The following RGS3 variants were observed in gnomAD, a reference collection of about 807,000 sequenced individuals.
RGS3 encodes regulator of G-protein signalling 3.
In RGS3, 80 loss-of-function variants were observed where a neutral mutation model predicts 132.6. The ratio of observed to expected loss-of-function variants is 0.60; its 90% CI spans 0.50 to 0.73. RGS3 has a LOEUF of 0.73. Ranked by LOEUF, RGS3 falls within the 30% of genes least tolerant of loss-of-function variation. The pLI is 0.00. For missense variants in RGS3, 1,382 were observed against 1,530.8 expected (o/e 0.90, Z 1.62); for synonymous variants, 598 against 620.6 (o/e 0.96, Z 0.54).
At chr9:113,503,566 G>A (rs778456878) in intron 10 of RGS3, among the ~76,000 whole-genome samples, 13 of 152,208 alleles carry the variant, frequency 8.5e-5, no homozygotes, top group African/African-American at 1.9e-4. Flanking sequence ...CTGGGTGTGG[G>A]AGGAGGAGGC....
At chr9:113,519,609 T>G (rs1158024942) in intron 16 of RGS3, among the ~76,000 whole-genome samples, 2 of 152,158 alleles carry the variant, frequency 1.3e-5, no homozygotes, top group African/African-American at 2.4e-5. Context: ...AATTGCTTCC[T>G]TGTAACTTTC....
At chr9:113,495,163 C>T (rs1231828591) in intron 7 of RGS3, among the ~76,000 whole-genome samples, 2 of 152,216 alleles carry the variant, frequency 1.3e-5, no homozygotes, top group Non-Finnish European at 2.9e-5. Context: ...GCGTGAGCCA[C>T]CGTGCCCAGC....
chr9:113,518,619 C>T (rs1430148551), intron 16 of RGS3, among the ~76,000 whole-genome samples: 1 of 152,128 alleles, frequency 6.6e-6, no homozygotes, highest in Non-Finnish European at 1.5e-5. Flanking sequence ...CTCATCTATT[C>T]CAAATGTACA....
chr9:113,451,371 G>T (rs1829241561), intron 1 of RGS3, among the ~76,000 whole-genome samples: 1 of 152,058 alleles, frequency 6.6e-6, no homozygotes, highest in African/African-American at 2.4e-5. Flanking sequence ...CTTTGCCCCT[G>T]TTTCTTTACA....
At chr9:113,551,084 A>G (rs1378883718) in intron 19 of RGS3, among the ~76,000 whole-genome samples, 3 of 152,216 alleles carry the variant, frequency 2.0e-5, no homozygotes, top group African/African-American at 7.2e-5. Flanking sequence ...TATTTTCATT[A>G]TCTCAAAAAG....
At chr9:113,516,728 G>T (rs773825684) in intron 15 of RGS3, among the ~76,000 whole-genome samples, 4 of 151,964 alleles carry the variant, frequency 2.6e-5, no homozygotes, top group Non-Finnish European at 5.9e-5. Context: ...ACAGTCTCTC[G>T]CTGTGTCCCC....
intron 3 of RGS3, among the ~76,000 whole-genome samples, chr9:113,471,995 G>T (rs1829850580): frequency 6.6e-6 from 1 of 152,022 alleles, no homozygotes; most frequent in Admixed American, 6.6e-5. Flanking sequence ...TTTTTCCAAA[G>T]AAAAATGGCT....
chr9:113,595,600 C>T (rs199654322), exon 24 of RGS3: 29 of 1,613,546 alleles, frequency 1.8e-5, no homozygotes, highest in Middle Eastern at 1.7e-4. Flanking sequence ...TCCTCACAGA[C>T]GGGTTAGCAG....
At chr9:113,528,272 C>T (rs1049677960) in intron 17 of RGS3, among the ~76,000 whole-genome samples, 1 of 152,194 alleles carries the variant, frequency 6.6e-6, no homozygotes, top group African/African-American at 2.4e-5. Context: ...GAGTAACCAT[C>T]CCAGGACCGT....
chr9:113,498,099 G>C lies in RGS3; in HGVS notation c.897+19G>C. The C allele has an allele frequency of 6.2e-7, 1 of 1,612,426 alleles. No individual in the cohort carries two copies. Among genetic ancestry groups the C allele is most frequent in the Non-Finnish European group, 8.5e-7 (1 of 1,178,536 alleles). On this transcript the variant is annotated intron_variant, in intron 10 of 24. Transcript: ENST00000350696. ...ACTAAAGGTAGGTGGGGACAAGCTA[G>C]GGCATTGCTCCAGGAGCTGGATCTG...
At chr9:113,585,486 G>C (rs749446582) in intron 20 of RGS3, among the ~76,000 whole-genome samples, 2 of 152,236 alleles carry the variant, frequency 1.3e-5, no homozygotes, top group Non-Finnish European at 2.9e-5. Flanking sequence ...GGCTAGGTGA[G>C]TAGGGGTGCT....
chr9:113,475,948 T>C (rs1390137782), intron 3 of RGS3, among the ~76,000 whole-genome samples: 1 of 151,946 alleles, frequency 6.6e-6, no homozygotes, highest in Non-Finnish European at 1.5e-5. Context: ...TTTTTTCCTT[T>C]GAGACAGGTC....
intron 14 of RGS3, among the ~76,000 whole-genome samples, chr9:113,513,777 T>C (rs1216524336): frequency 6.6e-6 from 1 of 152,196 alleles, no homozygotes; most frequent in African/African-American, 2.4e-5. Context: ...GGGCAGCAAG[T>C]GCCACTCCTT....
intron 1 of RGS3, among the ~76,000 whole-genome samples, chr9:113,449,503 C>T (rs1403312752): frequency 6.6e-6 from 1 of 152,122 alleles, no homozygotes; most frequent in Non-Finnish European, 1.5e-5. Flanking sequence ...GAGGGAGTGA[C>T]AAAGAAGATG....
At chr9:113,447,523 C>T (rs1425455082) in intron 1 of RGS3, among the ~76,000 whole-genome samples, 2 of 150,618 alleles carry the variant, frequency 1.3e-5, no homozygotes, top group African/African-American at 4.9e-5. Flanking sequence ...CTTGGGATGG[C>T]TTTGCCTTAG....
At chr9:113,578,393 T>C (rs1834633906) in intron 19 of RGS3, among the ~76,000 whole-genome samples, 2 of 152,222 alleles carry the variant, frequency 1.3e-5, no homozygotes, top group Admixed American at 1.3e-4. Context: ...CTAAGGAAAC[T>C]GAGGCACAGA....
chr9:113,445,174 A>G (rs1208195155), intron 1 of RGS3, among the ~76,000 whole-genome samples: 1 of 150,950 alleles, frequency 6.6e-6, no homozygotes, highest in African/African-American at 2.4e-5. Flanking sequence ...TTGGGTTACC[A>G]TAATTTTCTT....
At chr9:113,545,488 A>C (rs978359142) in intron 19 of RGS3, among the ~76,000 whole-genome samples, 1 of 152,150 alleles carries the variant, frequency 6.6e-6, no homozygotes, top group Non-Finnish European at 1.5e-5. Context: ...TCTCCTCCCC[A>C]TTCCTTGCTG....
chr9:113,573,943 A>G (rs925229182), intron 19 of RGS3, among the ~76,000 whole-genome samples: 2 of 152,228 alleles, frequency 1.3e-5, no homozygotes, highest in African/African-American at 4.8e-5. Context: ...CAGGCAGACC[A>G]TGGTTTCAAT....
Sources: allele counts gnomAD v4.1 joint callset (sites outside exome capture counted in the v4.1 genomes callset), GRCh38; gene constraint gnomAD v4.1.1; transcripts MANE v1.5; gene names NCBI Gene and HGNC (gene_info 2026-07-23, HGNC 2026-07-21).